NRG1: variants seen among roughly 807,000 people sequenced by gnomAD.
NRG1 encodes neuregulin 1.
Under a neutral mutation model 63.8 loss-of-function variants are expected in NRG1, and 18 were observed. The observed-to-expected ratio is 0.28, with a 90% CI of 0.19 to 0.42. NRG1 has a LOEUF of 0.42. Ranked by LOEUF, NRG1 falls within the 10% of genes least tolerant of loss-of-function variation. The pLI, the probability that NRG1 is intolerant of heterozygous loss-of-function variation, is 1.00. For missense variants in NRG1, 762 were observed against 814.7 expected (o/e 0.94, Z 0.79); for synonymous variants, 302 against 301.3 (o/e 1.00, Z -0.02).
At chr8:32,627,203 A>G (rs533769154) in intron 5 of NRG1, among the ~76,000 whole-genome samples, 2 of 152,278 alleles carry the variant, frequency 1.3e-5, no homozygotes, top group East Asian at 3.9e-4. Flanking sequence ...ATGACATTCT[A>G]TAATTTACCG....
At chr8:31,856,959 A>C (rs575236509) in intron 1 of NRG1, among the ~76,000 whole-genome samples, 1 of 152,314 alleles carries the variant, frequency 6.6e-6, no homozygotes, top group African/African-American at 2.4e-5. Flanking sequence ...TTGAGGAGGC[A>C]GTCTGCCCAT....
At chr8:32,509,075 C>T (rs1828872838) in intron 1 of NRG1, among the ~76,000 whole-genome samples, 2 of 149,556 alleles carry the variant, frequency 1.3e-5, no homozygotes, top group African/African-American at 2.5e-5. Context: ...TTTTCTTTTC[C>T]TATTTTATTT....
chr8:32,155,407 A>AT (rs1020253123), intron 1 of NRG1, among the ~76,000 whole-genome samples: 2 of 151,766 alleles, frequency 1.3e-5, no homozygotes, highest in African/African-American at 2.4e-5. Context: ...CATAAATCTC[A>AT]TTTTTTTTCC....
At chr8:32,747,566 T>G (rs1827684110) in intron 7 of NRG1, among the ~76,000 whole-genome samples, 2 of 152,110 alleles carry the variant, frequency 1.3e-5, no homozygotes, top group South Asian at 4.2e-4. Context: ...GCAACCAAGT[T>G]AATCGTAACT....
chr8:32,544,167 T>G (rs1182374985), upstream of NRG1, among the ~76,000 whole-genome samples: 4 of 152,122 alleles, frequency 2.6e-5, no homozygotes, highest in Non-Finnish European at 5.9e-5. Context: ...ATGGTGCAGA[T>G]GTTGGAATAT....
chr8:32,287,606 G>A (rs1022543498), intron 1 of NRG1: 6 of 152,164 alleles, frequency 3.9e-5, no homozygotes, highest in African/African-American at 1.4e-4. Flanking sequence ...TGGAATTACA[G>A]CACCTGGATT....
chr8:31,768,349 T>A (rs1818282371), intron 1 of NRG1, among the ~76,000 whole-genome samples: 1 of 152,192 alleles, frequency 6.6e-6, no homozygotes, highest in Admixed American at 6.5e-5. Context: ...TACACAACAG[T>A]TGAGAATAAT....
chr8:32,004,881 T>A (rs1308457880), intron 1 of NRG1, among the ~76,000 whole-genome samples: 2 of 151,670 alleles, frequency 1.3e-5, no homozygotes, highest in Non-Finnish European at 2.9e-5. Flanking sequence ...GGGGGCAATA[T>A]AAAATCATGT....
intron 1 of NRG1, among the ~76,000 whole-genome samples, chr8:31,921,592 G>A (rs1291868270): frequency 6.6e-6 from 1 of 152,144 alleles, no homozygotes; most frequent in East Asian, 1.9e-4. Context: ...ACCTCTGTGT[G>A]AATCAGCAGA....
At chr8:32,071,527 A>G (rs1003673183) in intron 1 of NRG1, among the ~76,000 whole-genome samples, 1 of 152,202 alleles carries the variant, frequency 6.6e-6, no homozygotes, top group African/African-American at 2.4e-5. Flanking sequence ...TTAACTTTCT[A>G]AATCATTCAT....
intron 1 of NRG1, among the ~76,000 whole-genome samples, chr8:31,767,787 C>T (rs905638197): frequency 6.8e-5 from 10 of 147,626 alleles, no homozygotes; most frequent in Non-Finnish European, 3.0e-5. Flanking sequence ...TGCAGTGAGC[C>T]GAGATTGTGC....
intron 1 of NRG1, among the ~76,000 whole-genome samples, chr8:32,469,858 TTTTG>T (rs767536178): frequency 7.2e-5 from 11 of 152,022 alleles, no homozygotes; most frequent in East Asian, 1.9e-4. Flanking sequence ...AAAAGGACTT[TTTTG>T]TTTGTTTGTT....
At chr8:32,091,582 C>T (rs1405757181) in intron 1 of NRG1, among the ~76,000 whole-genome samples, 1 of 152,164 alleles carries the variant, frequency 6.6e-6, no homozygotes, top group Non-Finnish European at 1.5e-5. Flanking sequence ...TTGTTTTTCT[C>T]ACACTGCTGT....
At chr8:32,051,372 A>G (rs564937162) in intron 1 of NRG1, among the ~76,000 whole-genome samples, 2 of 152,306 alleles carry the variant, frequency 1.3e-5, no homozygotes, top group African/African-American at 4.8e-5. Context: ...TTTATGGGGC[A>G]CATGTGAGAT....
intron 1 of NRG1, among the ~76,000 whole-genome samples, chr8:31,680,711 G>A (rs956825002): frequency 2.6e-5 from 4 of 151,810 alleles, no homozygotes; most frequent in South Asian, 2.1e-4. Flanking sequence ...CTGAGGAATC[G>A]CCACACTGAC....
chr8:32,399,569 G>A (rs1437201548), intron 1 of NRG1, among the ~76,000 whole-genome samples: 2 of 152,152 alleles, frequency 1.3e-5, no homozygotes, highest in Admixed American at 6.5e-5. Context: ...GCCAGGTGTG[G>A]TGGCAAGTGC....
intron 1 of NRG1, among the ~76,000 whole-genome samples, chr8:32,377,892 C>A (rs532964797): frequency 6.6e-6 from 1 of 152,224 alleles, no homozygotes; most frequent in Non-Finnish European, 1.5e-5. Flanking sequence ...CATGATTACA[C>A]TTCCAGTACC....
At chr8:31,784,609 A>G (rs1820005268) in intron 1 of NRG1, among the ~76,000 whole-genome samples, 1 of 152,200 alleles carries the variant, frequency 6.6e-6, no homozygotes. Context: ...AGATACTAAT[A>G]AACACGTAGA....
intron 1 of NRG1, among the ~76,000 whole-genome samples, chr8:32,437,176 C>CACCT (rs1018087118): frequency 1.3e-5 from 2 of 152,094 alleles, no homozygotes; most frequent in East Asian, 1.9e-4. Context: ...ACCTTGCTAA[C>CACCT]ACCTACCTAC....
Sources: gnomAD v4.1 joint callset for allele counts (sites outside exome capture counted in the v4.1 genomes callset) on GRCh38, gnomAD v4.1.1 for gene constraint, MANE v1.5 for transcripts, NCBI Gene and HGNC (gene_info 2026-07-23, HGNC 2026-07-21) for gene names.